Variants in LRP1B observed in about 807,000 individuals in gnomAD.
LRP1B encodes LDL receptor related protein 1B.
LRP1B carries 217 observed loss-of-function variants against 556.6 expected under a neutral mutation model. The ratio of observed to expected loss-of-function variants is 0.39; its 90% confidence interval spans 0.35 to 0.44. The LOEUF is 0.44. Ranked by LOEUF, LRP1B falls within the 20% of genes least tolerant of loss-of-function variation. LRP1B has a pLI of 1.00. For synonymous variants in LRP1B, 2,047 were observed against 1,865.8 expected (o/e 1.10, Z -2.50); for missense variants, 5,053 against 5,620.8 (o/e 0.90, Z 3.23).
chr2:141,521,196 C>G (rs1684517498), intron 2 of LRP1B, among the ~76,000 whole-genome samples: 1 of 152,064 alleles, frequency 6.6e-6, no homozygotes, highest in South Asian at 2.1e-4. Context: ...TTGGGTCTGA[C>G]CCTTTATAAA....
chr2:140,646,169 A>C (rs1015691579), intron 41 of LRP1B, among the ~76,000 whole-genome samples: 5 of 152,178 alleles, frequency 3.3e-5, no homozygotes, highest in Non-Finnish European at 7.3e-5. Flanking sequence ...CTGATTTTGA[A>C]GCTATCTCTC....
In LRP1B at chr2:140,814,121, T is replaced by G. The variant is rs565133169; in HGVS notation, c.5210-315A>C. On this transcript the variant is annotated intron_variant, in intron 31 of 90. Transcript: ENST00000389484. ...TCCTGCTGAGCTAGGACTACAAATG[T>G]GCACCACTATGCCCAGCTAATTTTT... is the stretch of plus-strand genomic sequence containing the variant. 2.0e-5 allele frequency among the ~76,000 whole-genome samples: 3 copies of G among 152,210 alleles called. No homozygotes were observed. The East Asian group carries it at 5.8e-4, about 30-fold the overall frequency.
At chr2:140,351,283 T>C (rs887773229) in intron 76 of LRP1B, among the ~76,000 whole-genome samples, 1 of 151,958 alleles carries the variant, frequency 6.6e-6, no homozygotes, top group Non-Finnish European at 1.5e-5. Context: ...GGCTAGAAAT[T>C]ATGTACATAT....
chr2:140,827,368 G>C (rs1691545833), intron 31 of LRP1B, among the ~76,000 whole-genome samples: 1 of 151,954 alleles, frequency 6.6e-6, no homozygotes, highest in African/African-American at 2.4e-5. Context: ...GAACTCCCAG[G>C]TAACATGGAA....
intron 43 of LRP1B, among the ~76,000 whole-genome samples, chr2:140,595,293 G>T (rs1473763470): frequency 2.0e-5 from 3 of 151,610 alleles, no homozygotes; most frequent in African/African-American, 7.3e-5. Context: ...GCATGTGTTA[G>T]ATTATCTGCT....
chr2:141,962,725 A>G (rs866619901), intron 1 of LRP1B, among the ~76,000 whole-genome samples: 5 of 151,978 alleles, frequency 3.3e-5, no homozygotes, highest in Middle Eastern at 3.4e-3. Flanking sequence ...ATCTAATAAC[A>G]CCATATAAGG....
chr2:140,322,638 A>C (rs1680208444), intron 81 of LRP1B, among the ~76,000 whole-genome samples: 1 of 152,044 alleles, frequency 6.6e-6, no homozygotes. Flanking sequence ...CTTCCTTTCC[A>C]TCAAGTAGGA....
At chr2:141,417,692 A>C (rs1479277907) in intron 3 of LRP1B, among the ~76,000 whole-genome samples, 1 of 151,616 alleles carries the variant, frequency 6.6e-6, no homozygotes, top group Admixed American at 6.6e-5. Context: ...TATCTCTTGA[A>C]GATCCTGATT....
chr2:140,689,986 C>T (rs954190868), intron 41 of LRP1B, among the ~76,000 whole-genome samples: 1 of 152,070 alleles, frequency 6.6e-6, no homozygotes, highest in African/African-American at 2.4e-5. Flanking sequence ...CAATATAAAA[C>T]TTTCCATCCC....
intron 1 of LRP1B, among the ~76,000 whole-genome samples, chr2:142,115,317 G>T (rs184547592): frequency 1.3e-5 from 2 of 149,544 alleles, no homozygotes; most frequent in Non-Finnish European, 3.0e-5. Context: ...AAAAAAGGTT[G>T]AAGATATGTC....
chr2:141,154,651 A>G (rs1459643046), intron 7 of LRP1B, among the ~76,000 whole-genome samples: 1 of 151,580 alleles, frequency 6.6e-6, no homozygotes, highest in Non-Finnish European at 1.5e-5. Flanking sequence ...TTTTTCATTT[A>G]TGCATTTGGA....
At chr2:141,843,752 T>A (rs1218870279) in intron 1 of LRP1B, among the ~76,000 whole-genome samples, 1 of 152,162 alleles carries the variant, frequency 6.6e-6, no homozygotes, top group African/African-American at 2.4e-5. Flanking sequence ...TATTCCATTG[T>A]GCTACAAATT....
intron 49 of LRP1B, 123 bp downstream of exon 49, chr2:140,525,721 C>G: frequency 1.2e-6 from 1 of 802,542 alleles, no homozygotes; most frequent in Non-Finnish European, 1.9e-6. Context: ...TCAGTCTGTG[C>G]CATTTAAATT....
intron 18 of LRP1B, among the ~76,000 whole-genome samples, chr2:140,952,612 CT>C (rs1038727303): frequency 2.6e-5 from 4 of 151,810 alleles, no homozygotes; most frequent in Non-Finnish European, 2.9e-5. Context: ...CCTTACTAAC[CT>C]TTAGATAATT....
At chr2:140,713,712 C>T (rs1687116986) in intron 37 of LRP1B, among the ~76,000 whole-genome samples, 1 of 152,098 alleles carries the variant, frequency 6.6e-6, no homozygotes, top group Admixed American at 6.6e-5. Flanking sequence ...ACCTACTCTT[C>T]CCTATGTGTA....
intron 2 of LRP1B, among the ~76,000 whole-genome samples, chr2:141,619,908 T>C (rs1458628741): frequency 6.6e-6 from 1 of 152,226 alleles, no homozygotes; most frequent in African/African-American, 2.4e-5. Context: ...ATGTTGATGA[T>C]TGTCTGACAT....
At chr2:140,296,724 T>C (rs1683618553) in intron 84 of LRP1B, among the ~76,000 whole-genome samples, 1 of 152,192 alleles carries the variant, frequency 6.6e-6, no homozygotes. Context: ...TGAAAGTAGA[T>C]GTAAAATAAG....
At chr2:141,668,317 C>CCCCA in intron 2 of LRP1B, among the ~76,000 whole-genome samples, 1 of 152,176 alleles carries the variant, frequency 6.6e-6, no homozygotes, top group South Asian at 2.1e-4. Flanking sequence ...CCAGCAAAGG[C>CCCCA]CCCACCCTCA....
At chr2:142,086,199 A>G (rs1417238032) in intron 1 of LRP1B, among the ~76,000 whole-genome samples, 5 of 152,200 alleles carry the variant, frequency 3.3e-5, no homozygotes, top group African/African-American at 7.2e-5. Context: ...ACCTTTTCAC[A>G]TAACATATCT....
Sources: allele counts gnomAD v4.1 joint callset (sites outside exome capture counted in the v4.1 genomes callset), GRCh38; gene constraint gnomAD v4.1.1; transcripts MANE v1.5; gene names NCBI Gene and HGNC (gene_info 2026-07-23, HGNC 2026-07-21).